Variants in TSHZ2 observed in about 807,000 individuals in gnomAD.
TSHZ2 encodes teashirt homolog 2.
Under a neutral mutation model 74.4 loss-of-function variants are expected in TSHZ2, and 21 were observed. The observed-to-expected ratio is 0.28, with a 90% confidence interval of 0.20 to 0.41. The LOEUF is 0.41. Among genes scored for constraint, TSHZ2 ranks in the 10% least tolerant of loss-of-function variants. The pLI, the probability that TSHZ2 is intolerant of heterozygous loss-of-function variation, is 1.00. For missense variants in TSHZ2, 1,244 were observed against 1,293.5 expected (o/e 0.96, Z 0.59); for synonymous variants, 540 against 515.3 (o/e 1.05, Z -0.65).
chr20:53,058,466 C>T (rs1984716402), intron 1 of TSHZ2, among the ~76,000 whole-genome samples: 1 of 152,210 alleles, frequency 6.6e-6, no homozygotes, highest in Non-Finnish European at 1.5e-5. Context: ...GGCAGGGCCC[C>T]TTGCAGAATT....
intron 1 of TSHZ2, among the ~76,000 whole-genome samples, chr20:53,199,850 T>G (rs913720630): frequency 6.6e-6 from 1 of 152,218 alleles, no homozygotes; most frequent in Non-Finnish European, 1.5e-5. Flanking sequence ...AGCCTCAGTC[T>G]TCTAATCTGT....
Position 53,255,169 on chromosome 20 carries a change from C to A in TSHZ2, c.1711C>A (p.Leu571Ile), listed in dbSNP as rs1990437359. ...CCAGGTACTGCAGATCCGGCCTAAT[C>A]TCACCAACAAGCTGAGGCCCATTGC... is the stretch of plus-strand genomic sequence containing the variant. ...GSQVLQIRPNLTNKLRPIAPK... is the reference protein window; with the variant it reads ...GSQVLQIRPNITNKLRPIAPK... Residue 571 changes from leucine (L) to isoleucine (I), a missense_variant, in exon 2 of 3, where the codon CTC (leucine) becomes ATC (isoleucine). This residue lies in a region of TSHZ2 where 562 missense variants were observed against 544.0 expected (regional missense o/e 1.03). Coordinates refer to ENST00000371497, the MANE Select transcript of TSHZ2 (RefSeq NM_173485.6). This position sits in a 1 kb window ranked among gnomAD's most constrained non-coding sequence, Gnocchi z 4.1. The A allele has an allele frequency of 1.9e-6, 3 of 1,614,222 alleles. No individual in the cohort carries two copies. Among genetic ancestry groups the A allele is most frequent in the Middle Eastern group, 1.6e-4 (1 of 6,062 alleles).
intron 2 of TSHZ2, among the ~76,000 whole-genome samples, chr20:53,387,143 G>A (rs73913715): frequency 6.6e-6 from 1 of 152,066 alleles, no homozygotes; most frequent in Non-Finnish European, 1.5e-5. Flanking sequence ...GTTTTCACTT[G>A]AATTTTCACT....
intron 1 of TSHZ2, 69 bp downstream of exon 1, chr20:52,973,402 G>A: frequency 6.5e-7 from 1 of 1,537,888 alleles, no homozygotes; most frequent in African/African-American, 1.4e-5. Flanking sequence ...CCTTGCCCCT[G>A]GGTGCCCGGG....
At chr20:53,140,193 A>AAT (rs1987353013) in intron 1 of TSHZ2, among the ~76,000 whole-genome samples, 1 of 152,108 alleles carries the variant, frequency 6.6e-6, no homozygotes, top group Admixed American at 6.5e-5. Flanking sequence ...ATAAATATGC[A>AAT]ATATATATAA....
At chr20:53,086,264 G>A (rs956675847) in intron 1 of TSHZ2, among the ~76,000 whole-genome samples, 8 of 152,248 alleles carry the variant, frequency 5.3e-5, no homozygotes, top group Admixed American at 2.0e-4. Context: ...TGAGTGGGAT[G>A]TCGGAGAGGG....
intron 2 of TSHZ2, among the ~76,000 whole-genome samples, chr20:53,274,537 A>T (rs987622123): frequency 2.0e-5 from 3 of 152,214 alleles, no homozygotes; most frequent in Non-Finnish European, 4.4e-5. Context: ...CCCCGTGATT[A>T]CTGAAATCTT....
chr20:53,096,846 C>T (rs891746745), intron 1 of TSHZ2, among the ~76,000 whole-genome samples: 6 of 151,516 alleles, frequency 4.0e-5, no homozygotes, highest in South Asian at 4.2e-4. Flanking sequence ...CCTGCCACTG[C>T]ACTCCAGCCT....
intron 1 of TSHZ2, among the ~76,000 whole-genome samples, chr20:53,129,213 C>CA (rs761742659): frequency 2.0e-5 from 3 of 152,066 alleles, no homozygotes; most frequent in Admixed American, 6.5e-5. Flanking sequence ...CAATACTTCC[C>CA]AAATTTCAGT....
At chr20:53,004,990 C>A (rs554596008) in intron 1 of TSHZ2, among the ~76,000 whole-genome samples, 7 of 152,022 alleles carry the variant, frequency 4.6e-5, no homozygotes, top group Non-Finnish European at 8.8e-5. Context: ...GAACTTTGAA[C>A]CTCTTCCCTT....
intron 1 of TSHZ2, among the ~76,000 whole-genome samples, chr20:53,137,737 T>C (rs984789742): frequency 2.6e-5 from 4 of 152,170 alleles, no homozygotes; most frequent in African/African-American, 9.7e-5. Context: ...ATTCTTCTTA[T>C]TGGCAACAGG....
chr20:53,493,892 T>C lies in TSHZ2; in HGVS notation c.*6757T>C, dbSNP rs1181762729. The C allele has an allele frequency of 6.6e-6, 1 of 152,228 alleles. No homozygotes were observed. Among genetic ancestry groups the C allele is most frequent in the Non-Finnish European group, 1.5e-5 (1 of 68,032 alleles). The allele number at this position is 152,228 out of a possible 1,614,324, so 9.4% of individuals were successfully genotyped here. On this transcript the variant is annotated 3_prime_UTR_variant, in exon 3 of 3. Transcript: ENST00000371497. ...CTTTTACTCCCCATTATCCTGAATA[T>C]TAGCTTTCAATGCAGTCACTATTTG...
chr20:53,188,957 T>G (rs538826856), intron 1 of TSHZ2, among the ~76,000 whole-genome samples: 3 of 152,314 alleles, frequency 2.0e-5, no homozygotes, highest in Admixed American at 2.0e-4. Context: ...ATTTTTCAGA[T>G]GACAGAGATG....
At chr20:53,222,110 A>C (rs961818578) in intron 1 of TSHZ2, among the ~76,000 whole-genome samples, 2 of 152,208 alleles carry the variant, frequency 1.3e-5, no homozygotes, top group Admixed American at 1.3e-4. Flanking sequence ...AGATATAAAA[A>C]GAGGATAGAG....
intron 2 of TSHZ2, among the ~76,000 whole-genome samples, chr20:53,389,650 A>G (rs1467302000): frequency 6.6e-6 from 1 of 152,118 alleles, no homozygotes; most frequent in Non-Finnish European, 1.5e-5. Context: ...CTGCTGGTTG[A>G]TGTTATTGTG....
chr20:53,358,915 A>G (rs1316648741), intron 2 of TSHZ2, among the ~76,000 whole-genome samples: 2 of 152,218 alleles, frequency 1.3e-5, no homozygotes, highest in Non-Finnish European at 2.9e-5. Flanking sequence ...TTAAAAACCA[A>G]AAATCCTTTG....
At chr20:53,049,402 A>T (rs1984343266) in intron 1 of TSHZ2, among the ~76,000 whole-genome samples, 2 of 151,768 alleles carry the variant, frequency 1.3e-5, no homozygotes, top group South Asian at 4.2e-4. Context: ...ACATATATTC[A>T]ACCTAAAACT....
At chr20:53,104,754 T>C (rs1358770940) in intron 1 of TSHZ2, among the ~76,000 whole-genome samples, 2 of 152,206 alleles carry the variant, frequency 1.3e-5, no homozygotes, top group Non-Finnish European at 2.9e-5. Context: ...CAGTGATCAA[T>C]CACCCCCTCT....
chr20:53,375,066 A>T (rs1981613856), intron 2 of TSHZ2, among the ~76,000 whole-genome samples: 1 of 152,110 alleles, frequency 6.6e-6, no homozygotes, highest in African/African-American at 2.4e-5. Context: ...GTGTACATAC[A>T]CACACACATG....
Sources: gnomAD v4.1 joint callset for allele counts (sites outside exome capture counted in the v4.1 genomes callset) on GRCh38, gnomAD v4.1.1 for gene constraint, gnomAD v4.1.1 regional missense constraint, Gnocchi (gnomAD v3.1) non-coding constraint, MANE v1.5 for transcripts, NCBI Gene and HGNC (gene_info 2026-07-23, HGNC 2026-07-21) for gene names.